ZHX3: variants seen among roughly 807,000 people sequenced by gnomAD.
ZHX3 encodes the protein zinc fingers and homeoboxes protein 3.
Under a neutral mutation model 64.5 loss-of-function variants are expected in ZHX3, and 20 were observed. The observed-to-expected ratio is 0.31, with a 90% CI of 0.22 to 0.45. ZHX3 has a LOEUF of 0.45. Ranked by LOEUF, ZHX3 falls within the 20% of genes least tolerant of loss-of-function variation. The pLI is 1.00. For missense variants in ZHX3, 1,041 were observed against 1,195.8 expected, an observed-to-expected ratio of 0.87 and a Z score of 1.91; for synonymous variants, 423 against 461.6, an observed-to-expected ratio of 0.92 and a Z score of 1.07.
In ZHX3 at chr20:41,201,224, C is replaced by T. The variant is rs1449528521; in HGVS notation, c.2860+833G>A. ...CACATTGCCAACTCAGCTAGCAATG[C>T]TGCCATTTTGGAACCCCCAATCCCT... On this transcript the variant is annotated intron_variant, in intron 3 of 3. Transcript: ENST00000683867. The surrounding 1 kb of genome is among the most constrained non-coding windows in gnomAD (Gnocchi z 5.0). 1 of 1,157,224 alleles carries T rather than the reference C, an allele frequency of 8.6e-7. No homozygotes were observed. Among genetic ancestry groups the T allele is most frequent in the East Asian group, 5.9e-5 (1 of 16,926 alleles). The allele number at this position is 1,157,224 out of a possible 1,614,324, so 71.7% of individuals were successfully genotyped here. A position where few individuals can be genotyped will look rare whatever the true frequency, so the allele number is the denominator to read the frequency against.
intron 2 of ZHX3, among the ~76,000 whole-genome samples, chr20:41,252,689 A>C (rs1285470277): frequency 6.6e-6 from 1 of 152,202 alleles, no homozygotes; most frequent in Non-Finnish European, 1.5e-5. Context: ...AGTAATCTTC[A>C]GTTCTTCCTC....
intron 1 of ZHX3, among the ~76,000 whole-genome samples, chr20:41,302,237 C>A (rs1456363776): frequency 6.6e-6 from 1 of 152,128 alleles, no homozygotes; most frequent in Non-Finnish European, 1.5e-5. Flanking sequence ...GGCCCTAGCT[C>A]ATTTCTCTGC....
At chr20:41,254,725 T>C (rs1384789300) in intron 2 of ZHX3, 1 of 152,226 alleles carries the variant, frequency 6.6e-6, no homozygotes, top group Non-Finnish European at 1.5e-5. Context: ...TATGCATATA[T>C]GGCTTAGCCA....
chr20:41,288,956 C>T (rs931161676), intron 1 of ZHX3, among the ~76,000 whole-genome samples: 21 of 152,136 alleles, frequency 1.4e-4, no homozygotes, highest in African/African-American at 5.1e-4. Context: ...GAAGAATCAG[C>T]CAGTTTTAGA....
intron 1 of ZHX3, among the ~76,000 whole-genome samples, chr20:41,298,000 C>T (rs1376716669): frequency 6.6e-6 from 1 of 152,260 alleles, no homozygotes; most frequent in East Asian, 1.9e-4. Context: ...CTAAGGACAG[C>T]CTTAGCTGTC....
chr20:41,294,551 T>C (rs1411328948), intron 1 of ZHX3, among the ~76,000 whole-genome samples: 1 of 151,970 alleles, frequency 6.6e-6, no homozygotes, highest in Non-Finnish European at 1.5e-5. Flanking sequence ...TTAGTAGAGA[T>C]GGAGTTTCAA....
chr20:41,294,528 A>G (rs2044409479), intron 1 of ZHX3, among the ~76,000 whole-genome samples: 1 of 151,890 alleles, frequency 6.6e-6, no homozygotes. Flanking sequence ...ACACCTGGGT[A>G]ATTTTTGTAT....
chr20:41,236,291 C>CA (rs1213580087), intron 2 of ZHX3, among the ~76,000 whole-genome samples: 2 of 152,034 alleles, frequency 1.3e-5, no homozygotes, highest in Admixed American at 1.3e-4. Flanking sequence ...CATATGGAAC[C>CA]AAAAAAGAGC....
intron 1 of ZHX3, among the ~76,000 whole-genome samples, chr20:41,297,197 C>T (rs149215506): frequency 0.016 from 2,395 of 152,300 alleles, 22 homozygotes; most frequent in Non-Finnish European, 0.024. Context: ...GATGCACATG[C>T]AGGCAGGATC....
chr20:41,191,539 T>C (rs1390503287), intron 3 of ZHX3, among the ~76,000 whole-genome samples: 1 of 152,256 alleles, frequency 6.6e-6, no homozygotes, highest in Admixed American at 6.5e-5. Flanking sequence ...GGAAATTTAT[T>C]GTGTTCCTTC....
intron 2 of ZHX3, among the ~76,000 whole-genome samples, chr20:41,234,005 C>CA (rs1332791544): frequency 1.3e-5 from 2 of 152,082 alleles, no homozygotes; most frequent in Non-Finnish European, 2.9e-5. Context: ...AACAAGCAAA[C>CA]AAAAAACGCA....
At chr20:41,256,536 G>C (rs1263424946) in intron 2 of ZHX3, among the ~76,000 whole-genome samples, 1 of 151,486 alleles carries the variant, frequency 6.6e-6, no homozygotes, top group Non-Finnish European at 1.5e-5. Context: ...ACCCAGAGCT[G>C]TCCTATCTTA....
chr20:41,239,419 C>G (rs1173778983), intron 2 of ZHX3, among the ~76,000 whole-genome samples: 1 of 152,176 alleles, frequency 6.6e-6, no homozygotes, highest in Non-Finnish European at 1.5e-5. Context: ...CCCAAACATC[C>G]AGAAGGACAC....
chr20:41,259,832 T>C (rs1415928232), intron 2 of ZHX3, among the ~76,000 whole-genome samples: 1 of 152,192 alleles, frequency 6.6e-6, no homozygotes, highest in Non-Finnish European at 1.5e-5. Context: ...TATTATATTA[T>C]TTGAACTTTT....
chr20:41,279,298 A>G (rs1054926308), intron 1 of ZHX3, among the ~76,000 whole-genome samples: 3 of 152,092 alleles, frequency 2.0e-5, no homozygotes, highest in Admixed American at 2.0e-4. Flanking sequence ...TCTCTTTCTC[A>G]TATATAATCC....
intron 2 of ZHX3, among the ~76,000 whole-genome samples, chr20:41,249,962 G>A (rs1012102242): frequency 6.6e-6 from 1 of 152,180 alleles, no homozygotes; most frequent in African/African-American, 2.4e-5. Context: ...TTGAATGGGA[G>A]TTCTGCCGAC....
rs2038232089 is a variant in ZHX3 at position 41,201,704 on chromosome 20, C to T, written c.2860+353G>A. On this transcript the variant is annotated intron_variant, in intron 3 of 3. Coordinates refer to ENST00000683867, the MANE Select transcript of ZHX3 (RefSeq NM_001384317.1). This position sits in a 1 kb window ranked among gnomAD's most constrained non-coding sequence, Gnocchi z 5.0. ...CTGAATTTCAACTCATGTCCTGTTG[C>T]TGTCTCCTACCCAGTGGCTGTGGAT... 6.6e-6 allele frequency among the ~76,000 whole-genome samples: 1 copy of T among 152,212 alleles called. No individual in the cohort carries two copies. The highest frequency in any genetic ancestry group is 2.4e-5 in the African/African-American group (1 of 41,452).
At chr20:41,280,692 T>C (rs1244308499) in intron 1 of ZHX3, among the ~76,000 whole-genome samples, 2 of 152,112 alleles carry the variant, frequency 1.3e-5, no homozygotes, top group Non-Finnish European at 2.9e-5. Context: ...GCTGGGATTA[T>C]AGGCGTGAGC....
chr20:41,306,459 T>C (rs1166032824), intron 1 of ZHX3, among the ~76,000 whole-genome samples: 3 of 152,216 alleles, frequency 2.0e-5, no homozygotes, highest in Non-Finnish European at 1.5e-5. Context: ...CAGGCCTTTC[T>C]TCCCCAAAGC....
Sources: allele counts gnomAD v4.1 joint callset (sites outside exome capture counted in the v4.1 genomes callset), GRCh38; gene constraint gnomAD v4.1.1; non-coding constraint Gnocchi (gnomAD v3.1); transcripts MANE v1.5; gene names NCBI Gene and HGNC (gene_info 2026-07-23, HGNC 2026-07-21).